SLC1A1: variants seen among roughly 807,000 people sequenced by gnomAD.
SLC1A1 encodes the protein excitatory amino acid transporter 3.
In SLC1A1, 43 loss-of-function variants were observed where a neutral mutation model predicts 53.3. That is an observed-to-expected ratio of 0.81 (90% CI 0.63 to 1.04). SLC1A1 has a LOEUF of 1.04. Among genes scored for constraint, SLC1A1 ranks in the 50% least tolerant of loss-of-function variants. SLC1A1 has a pLI of 0.00. For missense variants in SLC1A1, 748 were observed against 664.9 expected (o/e 1.12, Z -1.37); for synonymous variants, 307 against 243.2 (o/e 1.26, Z -2.44).
intron 1 of SLC1A1, among the ~76,000 whole-genome samples, chr9:4,529,778 C>G (rs1405809078): frequency 3.9e-5 from 6 of 152,230 alleles, no homozygotes; most frequent in African/African-American, 1.4e-4. Flanking sequence ...CTTGGCTTCA[C>G]AAAGTACTGG....
chr9:4,567,564 A>C (rs1308135477), intron 5 of SLC1A1, 105 bp from the exon 6 acceptor site: 2 of 731,732 alleles, frequency 2.7e-6, no homozygotes, highest in Non-Finnish European at 5.0e-6. Context: ...AGATCCCTTC[A>C]GTGGCACTGT....
intron 1 of SLC1A1, among the ~76,000 whole-genome samples, chr9:4,523,352 C>CT (rs554001010): frequency 0.14 from 21,040 of 148,088 alleles, 1,690 homozygotes; most frequent in African/African-American, 0.22. Flanking sequence ...AATGCCTTTT[C>CT]TTTTTTTTTT....
chr9:4,544,944 A>T (rs1000510875), intron 2 of SLC1A1, among the ~76,000 whole-genome samples: 1 of 152,206 alleles, frequency 6.6e-6, no homozygotes, highest in African/African-American at 2.4e-5. Flanking sequence ...AGCCCGTTAT[A>T]AAACCATAAG....
intron 3 of SLC1A1, among the ~76,000 whole-genome samples, chr9:4,563,954 T>C (rs1261548691): frequency 6.6e-6 from 1 of 152,088 alleles, no homozygotes; most frequent in Non-Finnish European, 1.5e-5. Flanking sequence ...ATCAGATGCA[T>C]TCTCTGGGCT....
chr9:4,535,955 A>G (rs1816658212), intron 1 of SLC1A1, among the ~76,000 whole-genome samples: 1 of 152,206 alleles, frequency 6.6e-6, no homozygotes, highest in South Asian at 2.1e-4. Context: ...AGGATTCCCT[A>G]TTTAATAAAT....
rs765872195 is a variant in SLC1A1, at chr9:4,583,110, G to A, written c.1266G>A (p.Val422=). The change falls in exon 11 of 12, where the codon GTG becomes GTA. Residue 422 remains valine, a synonymous_variant. Coordinates refer to ENST00000262352, the MANE Select transcript of SLC1A1 (RefSeq NM_004170.6). This position sits in a 1 kb window ranked among gnomAD's most constrained non-coding sequence, Gnocchi z 4.6. ...CTGGCCTGGTGACCATGGTGATTGT[G>A]CTGAGTGCCGTGGGCCTGCCCGCCG... ...PQAGLVTMVI[V]LSAVGLPAED... is the part of the protein sequence containing the mutation. 2 of 1,614,216 alleles carry A rather than the reference G, an allele frequency of 1.2e-6. No homozygotes were observed. Among genetic ancestry groups the A allele is most frequent in the Admixed American group, 3.3e-5 (2 of 60,038 alleles).
rs552005556 is a variant in SLC1A1, at chr9:4,537,598, T to TAA, written c.92-6956_92-6955dup. On this transcript the variant is annotated intron_variant, in intron 1 of 11. Transcript: ENST00000262352. ...TAAAATAAAATAAAATAAAATAAAA[T>TAA]AAAAAAAAAAAAAATCACATGCTAC... 5.6e-5 allele frequency among the ~76,000 whole-genome samples: 7 copies of TAA among 125,048 alleles called. No homozygotes were observed. In the South Asian group the frequency reaches 1.4e-3, roughly 26 times the overall value. The allele number at this position is 125,048 out of a possible 152,430, so 82.0% of individuals were successfully genotyped here.
chr9:4,527,245 G>A (rs911077154), intron 1 of SLC1A1, among the ~76,000 whole-genome samples: 2 of 152,166 alleles, frequency 1.3e-5, no homozygotes, highest in African/African-American at 4.8e-5. Flanking sequence ...AAGGAATACA[G>A]CCTAATTGAC....
intron 1 of SLC1A1, among the ~76,000 whole-genome samples, chr9:4,537,167 C>T (rs889116229): frequency 1.3e-5 from 2 of 151,810 alleles, no homozygotes; most frequent in African/African-American, 2.4e-5. Flanking sequence ...ACATTGTGCA[C>T]ATGTACCCTA....
At chr9:4,546,218 T>G (rs1586748497) in intron 2 of SLC1A1, among the ~76,000 whole-genome samples, 1 of 152,222 alleles carries the variant, frequency 6.6e-6, no homozygotes, top group Non-Finnish European at 1.5e-5. Context: ...TCTCGGCTTA[T>G]GAGAAACCTA....
intron 1 of SLC1A1, among the ~76,000 whole-genome samples, chr9:4,510,034 G>A (rs1461385491): frequency 2.0e-5 from 3 of 152,106 alleles, no homozygotes. Context: ...GGGTTTTGCT[G>A]TGTTGGCCAG....
intron 1 of SLC1A1, among the ~76,000 whole-genome samples, chr9:4,540,223 G>T (rs1456143317): frequency 1.3e-5 from 2 of 152,024 alleles, no homozygotes; most frequent in African/African-American, 2.4e-5. Context: ...GCCAGACTCT[G>T]GGGGAAGATT....
chr9:4,544,300 C>T (rs1399221691), intron 1 of SLC1A1, among the ~76,000 whole-genome samples: 1 of 152,096 alleles, frequency 6.6e-6, no homozygotes, highest in Non-Finnish European at 1.5e-5. Flanking sequence ...GATATTTTGT[C>T]ATAATAAGTG....
At chr9:4,503,127 T>A (rs888835798) in intron 1 of SLC1A1, among the ~76,000 whole-genome samples, 1 of 151,804 alleles carries the variant, frequency 6.6e-6, no homozygotes, top group Non-Finnish European at 1.5e-5. Flanking sequence ...CCTTGATTTA[T>A]ATGCATAAAT....
At chr9:4,494,299 A>T (rs1454628356) in intron 1 of SLC1A1, among the ~76,000 whole-genome samples, 4 of 69,216 alleles carry the variant, frequency 5.8e-5, no homozygotes, top group Non-Finnish European at 8.6e-5. Flanking sequence ...TGGAGATATT[A>T]CTTATTACTT....
In SLC1A1 at chr9:4,583,294, T is replaced by A; in HGVS notation, c.1328+122T>A. 7.9e-7 allele frequency: 1 copy of A among 1,264,742 alleles called. No homozygotes were observed. Among genetic ancestry groups the A allele is most frequent in the Non-Finnish European group, 1.1e-6 (1 of 870,014 alleles). 78.3% of individuals were successfully genotyped at this position (1,264,742 alleles called of 1,614,324 possible). On this transcript the variant is annotated intron_variant, in intron 11 of 11. Transcript: ENST00000262352. This position sits in a 1 kb window ranked among gnomAD's most constrained non-coding sequence, Gnocchi z 4.6. ...CCTAATGAGCCACCTGTTGCTGCTT[T>A]AATTTTCCTCTGACCAGGCCATCTG...
At chr9:4,547,190 T>A (rs566707821) in intron 2 of SLC1A1, among the ~76,000 whole-genome samples, 1 of 152,342 alleles carries the variant, frequency 6.6e-6, no homozygotes, top group African/African-American at 2.4e-5. Flanking sequence ...AAACAGATAC[T>A]TCCTCTAGTG....
chr9:4,498,278 G>A (rs140150846), intron 1 of SLC1A1, among the ~76,000 whole-genome samples: 6 of 152,270 alleles, frequency 3.9e-5, no homozygotes, highest in Admixed American at 6.5e-5. Context: ...GGATAATCAT[G>A]TAAATTGTAT....
At chr9:4,495,901 A>G (rs1263746511) in intron 1 of SLC1A1, among the ~76,000 whole-genome samples, 1 of 152,148 alleles carries the variant, frequency 6.6e-6, no homozygotes, top group Non-Finnish European at 1.5e-5. Flanking sequence ...CCGACTTGGA[A>G]AAGAACATGG....
Sources: gnomAD v4.1 joint callset for allele counts (sites outside exome capture counted in the v4.1 genomes callset) on GRCh38, gnomAD v4.1.1 for gene constraint, Gnocchi (gnomAD v3.1) non-coding constraint, MANE v1.5 for transcripts, NCBI Gene and HGNC (gene_info 2026-07-23, HGNC 2026-07-21) for gene names.